The following CCDC18 variants were observed in gnomAD, a reference collection of about 807,000 sequenced individuals.
CCDC18 encodes coiled-coil domain containing 18.
In CCDC18, 157 loss-of-function variants were observed where a neutral mutation model predicts 196.0. That is an observed-to-expected ratio of 0.80 (90% CI 0.70 to 0.91). The LOEUF (loss-of-function observed/expected upper bound fraction) is 0.91. Ranked by LOEUF, CCDC18 falls within the 40% of genes least tolerant of loss-of-function variation. The pLI is 0.00. For missense variants in CCDC18, 1,465 were observed against 1,611.6 expected, an observed-to-expected ratio of 0.91 and a Z score of 1.56; for synonymous variants, 482 against 529.2, an observed-to-expected ratio of 0.91 and a Z score of 1.22.
chr1:93,181,898 A>G (rs1475210881), intron 1 of CCDC18, among the ~76,000 whole-genome samples: 1 of 152,208 alleles, frequency 6.6e-6, no homozygotes, highest in Non-Finnish European at 1.5e-5. Context: ...TACCGGCGTG[A>G]GCCACCGCGC....
chr1:93,191,088 ATTTTTT>A, intron 4 of CCDC18: 7 of 472,182 alleles, frequency 1.5e-5, no homozygotes, highest in South Asian at 4.5e-5. Flanking sequence ...CAGCAAGGAG[ATTTTTT>A]TTTTTTTTTT....
intron 4 of CCDC18, among the ~76,000 whole-genome samples, chr1:93,191,779 T>G (rs970740407): frequency 6.6e-6 from 1 of 152,190 alleles, no homozygotes; most frequent in Admixed American, 6.5e-5. Flanking sequence ...AACTCTTCAG[T>G]TATAAGTTGA....
intron 27 of CCDC18, among the ~76,000 whole-genome samples, chr1:93,267,782 A>G (rs910990596): frequency 6.6e-6 from 1 of 152,218 alleles, no homozygotes; most frequent in African/African-American, 2.4e-5. Context: ...CAATGAAATA[A>G]AAGAGGACAC....
intron 9 of CCDC18, among the ~76,000 whole-genome samples, chr1:93,210,184 CGGTTATAGTTTGAA>C (rs1655383434): frequency 6.6e-6 from 1 of 152,076 alleles, no homozygotes; most frequent in Non-Finnish European, 1.5e-5. Flanking sequence ...AGGTGTGATT[CGGTTATAGTTTGAA>C]GGTAGAAGTC....
At chr1:93,188,270 G>C (rs1011760324) in intron 4 of CCDC18, among the ~76,000 whole-genome samples, 2 of 152,118 alleles carry the variant, frequency 1.3e-5, no homozygotes, top group Admixed American at 1.3e-4. Context: ...CATAACTTAC[G>C]TCTGGCAATG....
In CCDC18 at chr1:93,236,400, G is replaced by A. The variant is rs377357906; in HGVS notation, c.2603+10G>A. On this transcript the variant is annotated intron_variant, in intron 19 of 28. Coordinates refer to ENST00000690025, the MANE Select transcript of CCDC18 (RefSeq NM_001378204.1). ...TTACTGGCACTGCCAGGTAAAATGT[G>A]AATATGTTTTATTTACCTTCCCACT... 2 of 1,583,202 alleles carry A rather than the reference G, an allele frequency of 1.3e-6. No homozygotes were observed. Among genetic ancestry groups the A allele is most frequent in the Non-Finnish European group, 1.7e-6 (2 of 1,169,912 alleles).
intron 21 of CCDC18, among the ~76,000 whole-genome samples, chr1:93,243,304 G>A (rs914528321): frequency 4.6e-5 from 7 of 152,220 alleles, no homozygotes; most frequent in African/African-American, 1.7e-4. Flanking sequence ...CCAAGGCATG[G>A]GGCTTGCACC....
intron 11 of CCDC18, among the ~76,000 whole-genome samples, chr1:93,213,127 G>C (rs1655929926): frequency 6.6e-6 from 1 of 152,064 alleles, no homozygotes; most frequent in African/African-American, 2.4e-5. Context: ...ATTGGGAGTG[G>C]GTGTAACTAC....
intron 23 of CCDC18, among the ~76,000 whole-genome samples, chr1:93,248,965 CCT>C (rs1661870822): frequency 7.5e-6 from 1 of 133,772 alleles, no homozygotes; most frequent in Non-Finnish European, 1.6e-5. Flanking sequence ...AGAGTGAAAC[CCT>C]GTCTCAAAAA....
intron 19 of CCDC18, among the ~76,000 whole-genome samples, chr1:93,237,932 A>AT (rs1660276560): frequency 6.6e-6 from 1 of 152,114 alleles, no homozygotes; most frequent in East Asian, 1.9e-4. Context: ...TTTGGTAGAA[A>AT]TTTTCTAAAA....
Position 93,278,534 on chromosome 1 carries a change from C to T in CCDC18, c.*57C>T. 2.1e-6 allele frequency: 2 copies of T among 953,524 alleles called. No homozygotes were observed. Among genetic ancestry groups the T allele is most frequent in the Non-Finnish European group, 3.0e-6 (2 of 675,594 alleles). 59.1% of individuals were successfully genotyped at this position (953,524 alleles called of 1,614,324 possible). A position where few individuals can be genotyped will look rare whatever the true frequency, so the allele number is the denominator to read the frequency against. On this transcript the variant is annotated 3_prime_UTR_variant, in exon 29 of 29. Transcript: ENST00000690025. Reference sequence around the variant, plus strand: ...GGAATTTTTGGTACTGTGCTGTTTACTTATTATATGTAGCTCATACTTCAT... The same window carrying T: ...GGAATTTTTGGTACTGTGCTGTTTATTTATTATATGTAGCTCATACTTCAT...
At chr1:93,243,322 G>A (rs923782380) in intron 21 of CCDC18, among the ~76,000 whole-genome samples, 1 of 152,244 alleles carries the variant, frequency 6.6e-6, no homozygotes, top group Non-Finnish European at 1.5e-5. Flanking sequence ...ACCCTCTGAA[G>A]CCACGGCCTG....
At chr1:93,190,702 A>G in intron 4 of CCDC18, 1 of 397,356 alleles carries the variant, frequency 2.5e-6, no homozygotes. Flanking sequence ...CATAAACTCA[A>G]GATTTTATTG....
intron 23 of CCDC18, among the ~76,000 whole-genome samples, chr1:93,253,539 TCCTAGGCAGCAGGA>T (rs1311275570): frequency 6.6e-6 from 1 of 152,166 alleles, no homozygotes; most frequent in Non-Finnish European, 1.5e-5. Context: ...AGGCTTAGAC[TCCTAGGCAGCAGGA>T]TAAGGACAGG....
intron 19 of CCDC18, among the ~76,000 whole-genome samples, chr1:93,238,667 T>C (rs1660364841): frequency 6.6e-6 from 1 of 152,202 alleles, no homozygotes; most frequent in Non-Finnish European, 1.5e-5. Flanking sequence ...GACTTAAAAC[T>C]GGCTCTTAGT....
intron 23 of CCDC18, among the ~76,000 whole-genome samples, chr1:93,252,215 A>T (rs1315280305): frequency 1.3e-5 from 2 of 151,848 alleles, no homozygotes; most frequent in Admixed American, 6.6e-5. Flanking sequence ...TTAAAAAAAA[A>T]TTTATTTTAA....
At position 93,226,765 on chromosome 1, in the gene CCDC18, C is replaced by T. The variant is rs542470482; in HGVS notation, c.2292+316C>T. On this transcript the variant is annotated intron_variant, in intron 17 of 28. Coordinates refer to ENST00000690025, the MANE Select transcript of CCDC18 (RefSeq NM_001378204.1). ...GCCAGGCTGGCCTTGAACTCCTGGC[C>T]TCAAGTGATCCACCCACCTCGGCCT... 9.6e-4 allele frequency among the ~76,000 whole-genome samples: 146 copies of T among 152,172 alleles called. 1 individual carries two copies. The highest frequency in any genetic ancestry group is 8.3e-3 in the South Asian group (40 of 4,814).
chr1:93,209,035 T>G (rs1254032542), intron 9 of CCDC18, among the ~76,000 whole-genome samples: 1 of 152,192 alleles, frequency 6.6e-6, no homozygotes, highest in Non-Finnish European at 1.5e-5. Flanking sequence ...CTTGGCGCAC[T>G]GCAACCTCAG....
intron 21 of CCDC18, 133 bp downstream of exon 21, chr1:93,240,029 TC>T: frequency 1.5e-6 from 1 of 646,120 alleles, no homozygotes; most frequent in Non-Finnish European, 2.7e-6. Context: ...AGCCAGCCTA[TC>T]CCATGCCTTA....
Sources: allele counts gnomAD v4.1 joint callset (sites outside exome capture counted in the v4.1 genomes callset), GRCh38; gene constraint gnomAD v4.1.1; transcripts MANE v1.5; gene names NCBI Gene and HGNC (gene_info 2026-07-23, HGNC 2026-07-21).